Variants in NEXN observed in about 807,000 individuals in gnomAD.
NEXN encodes the protein nexilin.
In NEXN, 65 loss-of-function variants were observed where a neutral mutation model predicts 92.6. The ratio of observed to expected loss-of-function variants is 0.70; its 90% CI spans 0.57 to 0.86. NEXN has a LOEUF of 0.86. Among genes scored for constraint, NEXN ranks in the 40% least tolerant of loss-of-function variants. NEXN has a pLI of 0.00. For missense variants in NEXN, 778 were observed against 771.1 expected, an observed-to-expected ratio of 1.01 and a Z score of -0.11; for synonymous variants, 254 against 242.5, an observed-to-expected ratio of 1.05 and a Z score of -0.44.
chr1:77,893,493 A>G (rs1263970351), intron 1 of NEXN, among the ~76,000 whole-genome samples: 1 of 152,014 alleles, frequency 6.6e-6, no homozygotes, highest in Non-Finnish European at 1.5e-5. Context: ...ATTTTTTATT[A>G]TTTTAGTTAG....
intron 1 of NEXN, among the ~76,000 whole-genome samples, chr1:77,910,211 G>C (rs1404229941): frequency 6.6e-6 from 1 of 152,178 alleles, no homozygotes; most frequent in Non-Finnish European, 1.5e-5. Flanking sequence ...AAAGCCTACA[G>C]CTAACATCTT....
In NEXN at chr1:77,942,502, T is replaced by G; in HGVS notation, c.1701T>G (p.Asn567Lys). 1 of 1,613,896 alleles carries G rather than the reference T, an allele frequency of 6.2e-7. No individual in the cohort carries two copies. Among genetic ancestry groups the G allele is most frequent in the Non-Finnish European group, 8.5e-7 (1 of 1,179,848 alleles). Residue 567 changes from asparagine to lysine, a missense_variant, in exon 13 of 13, where the codon AAT (asparagine) becomes AAG (lysine). By Grantham distance (94) the Asn-to-Lys change is moderately conservative. Around this residue, in one of 3 missense-constraint regions of NEXN, gnomAD observed 532 missense variants for 476.7 expected, o/e 1.12. Coordinates refer to ENST00000334785, the MANE Select transcript of NEXN (RefSeq NM_144573.4). The part of the protein sequence containing the change: ...EEEEEEGSIM[N>K]GSTAEDEEQT... ...AGGAGGAAGAAGGTAGCATCATGAATGGCTCCACTGCTGAAGATGAAGAGC... is the reference window on the plus strand; with the variant it reads ...AGGAGGAAGAAGGTAGCATCATGAAGGGCTCCACTGCTGAAGATGAAGAGC...
Position 77,942,981 on chromosome 1 carries a change from G to A in NEXN, c.*152G>A. ...TTCTTACTACATCCATCTTTTCTGT[G>A]GCGGGGCCAAAAAAGGAAACCAGGA... On this transcript the variant is annotated 3_prime_UTR_variant, in exon 13 of 13. Coordinates refer to ENST00000334785, the MANE Select transcript of NEXN (RefSeq NM_144573.4). 2 of 1,126,184 alleles carry A rather than the reference G, an allele frequency of 1.8e-6. No homozygotes were observed. Among genetic ancestry groups the A allele is most frequent in the South Asian group, 2.7e-5 (2 of 74,130 alleles). The allele number at this position is 1,126,184 out of a possible 1,614,324, so 69.8% of individuals were successfully genotyped here.
intron 1 of NEXN, among the ~76,000 whole-genome samples, chr1:77,899,082 T>C (rs921696634): frequency 2.6e-5 from 4 of 152,222 alleles, no homozygotes; most frequent in Admixed American, 2.0e-4. Context: ...AGTTCAACTA[T>C]TGTGGAAGTC....
At chr1:77,899,973 G>T (rs142131317) in intron 1 of NEXN, among the ~76,000 whole-genome samples, 1 of 152,142 alleles carries the variant, frequency 6.6e-6, no homozygotes, top group Non-Finnish European at 1.5e-5. Context: ...TCTCTACATT[G>T]CTATGAGTTT....
At chr1:77,909,913 A>G (rs999860149) in intron 1 of NEXN, among the ~76,000 whole-genome samples, 27 of 152,216 alleles carry the variant, frequency 1.8e-4, no homozygotes, top group African/African-American at 6.3e-4. Context: ...AACTTACACA[A>G]CCAATAATTT....
intron 11 of NEXN, among the ~76,000 whole-genome samples, chr1:77,941,537 T>C (rs548629565): frequency 2.6e-5 from 4 of 152,174 alleles, no homozygotes; most frequent in African/African-American, 9.6e-5. Flanking sequence ...TAAACACCCT[T>C]CCCCTGCCAT....
chr1:77,934,759 C>G (rs1359489145), intron 10 of NEXN, among the ~76,000 whole-genome samples: 1 of 152,198 alleles, frequency 6.6e-6, no homozygotes, highest in Admixed American at 6.5e-5. Context: ...CACACATGAA[C>G]AGGGTCAGGG....
intron 9 of NEXN, 108 bp from the exon 10 acceptor site, chr1:77,933,174 C>T: frequency 1.2e-6 from 1 of 810,716 alleles, no homozygotes. Flanking sequence ...AAAACAAAAA[C>T]AAAAACTAAA....
chr1:77,912,292 T>C (rs1178757969), intron 1 of NEXN, among the ~76,000 whole-genome samples: 1 of 152,112 alleles, frequency 6.6e-6, no homozygotes, highest in East Asian at 1.9e-4. Flanking sequence ...TTCTGAGAAA[T>C]TATAGAATAT....
Position 77,942,548 on chromosome 1 carries a change from T to C in NEXN, c.1747T>C (p.Trp583Arg), listed in dbSNP as rs1223656449. ...AGAGCAAACCAGATCAGGAGCTCCATGGTTCAAGAAGCCTCTTAAAAACAC... is the reference window on the plus strand; with the variant it reads ...AGAGCAAACCAGATCAGGAGCTCCACGGTTCAAGAAGCCTCTTAAAAACAC... ...DEEQTRSGAP[W>R]FKKPLKNTSV... The change falls in exon 13 of 13, where the codon TGG becomes CGG. Residue 583 changes from tryptophan to arginine, a missense_variant. Physicochemically the swap from Trp to Arg is moderately radical, Grantham distance 101. This residue lies in a region of NEXN where 532 missense variants were observed against 476.7 expected (regional missense o/e 1.12). Coordinates refer to ENST00000334785, the MANE Select transcript of NEXN (RefSeq NM_144573.4). 3 of 1,613,780 alleles carry C rather than the reference T, an allele frequency of 1.9e-6. No homozygotes were observed. The highest frequency in any genetic ancestry group is 2.5e-6 in the Non-Finnish European group (3 of 1,179,846).
At chr1:77,923,414 T>C (rs1212846024) in intron 5 of NEXN, among the ~76,000 whole-genome samples, 1 of 152,110 alleles carries the variant, frequency 6.6e-6, no homozygotes, top group African/African-American at 2.4e-5. Flanking sequence ...AAAATTCCCT[T>C]ACACTGCATG....
chr1:77,938,081 C>T (rs111323872), intron 11 of NEXN, among the ~76,000 whole-genome samples: 73 of 152,050 alleles, frequency 4.8e-4, no homozygotes, highest in Admixed American at 9.8e-4. Flanking sequence ...AGTAACAATA[C>T]GGGAAACCAG....
At chr1:77,910,116 G>C (rs148867991) in intron 1 of NEXN, among the ~76,000 whole-genome samples, 263 of 152,282 alleles carry the variant, frequency 1.7e-3, no homozygotes, top group African/African-American at 6.1e-3. Flanking sequence ...TATCTCAATA[G>C]ACACAGAAAA....
intron 5 of NEXN, among the ~76,000 whole-genome samples, chr1:77,919,626 C>T (rs1649259975): frequency 6.6e-6 from 1 of 150,718 alleles, no homozygotes; most frequent in African/African-American, 2.4e-5. Context: ...TCTTGTCGCC[C>T]AGGCTGGAGT....
chr1:77,928,651 T>TC (rs1221081273), intron 8 of NEXN, among the ~76,000 whole-genome samples: 2 of 151,966 alleles, frequency 1.3e-5, no homozygotes, highest in Non-Finnish European at 2.9e-5. Flanking sequence ...ATCTGATTAG[T>TC]ATAAGGTACC....
intron 5 of NEXN, among the ~76,000 whole-genome samples, chr1:77,923,057 G>A (rs190522823): frequency 6.3e-4 from 80 of 126,770 alleles, no homozygotes; most frequent in African/African-American, 2.3e-3. Flanking sequence ...TCCCAGGCAC[G>A]CTCATGGCTC....
At chr1:77,914,436 A>G (rs962583765) in intron 1 of NEXN, among the ~76,000 whole-genome samples, 18 of 152,210 alleles carry the variant, frequency 1.2e-4, no homozygotes, top group African/African-American at 3.9e-4. Context: ...AAAGTTGGCT[A>G]GAAAATTCCA....
intron 1 of NEXN, among the ~76,000 whole-genome samples, chr1:77,891,220 T>A (rs1340154221): frequency 2.0e-5 from 3 of 152,198 alleles, no homozygotes; most frequent in African/African-American, 7.2e-5. Flanking sequence ...TGTATTATAA[T>A]GTTAATACAC....
Sources: allele counts gnomAD v4.1 joint callset (sites outside exome capture counted in the v4.1 genomes callset), GRCh38; gene constraint gnomAD v4.1.1; regional missense constraint gnomAD v4.1.1; transcripts MANE v1.5; gene names NCBI Gene and HGNC (gene_info 2026-07-23, HGNC 2026-07-21).